METTL15: variants seen among roughly 807,000 people sequenced by gnomAD.
METTL15 encodes 12S rRNA N(4)-cytidine methyltransferase METTL15.
METTL15 carries 34 observed loss-of-function variants against 38.3 expected under a neutral mutation model. That is an observed-to-expected ratio of 0.89 (90% CI 0.68 to 1.18). The LOEUF is 1.18. Ranked by LOEUF, METTL15 falls within the 50% of genes most tolerant of loss-of-function variation. The probability of loss-of-function intolerance (pLI) is 0.00; values close to 1 mark genes in which losing one functional copy is unlikely to be tolerated. For synonymous variants in METTL15, 162 were observed against 170.9 expected (o/e 0.95, Z 0.41); for missense variants, 438 against 498.4 (o/e 0.88, Z 1.15).
At chr11:28,458,875 G>A (rs1851192193) in intron 6 of METTL15, among the ~76,000 whole-genome samples, 1 of 152,206 alleles carries the variant, frequency 6.6e-6, no homozygotes, top group Non-Finnish European at 1.5e-5. Flanking sequence ...TTGGTAGAAT[G>A]AAAGTTCAAC....
intron 6 of METTL15, among the ~76,000 whole-genome samples, chr11:28,494,490 T>C (rs1356425856): frequency 6.6e-6 from 1 of 152,150 alleles, no homozygotes; most frequent in Non-Finnish European, 1.5e-5. Flanking sequence ...AAGCCCTTAC[T>C]GTGTATCTTG....
At chr11:28,378,919 G>C (rs1850352404) in intron 5 of METTL15, among the ~76,000 whole-genome samples, 2 of 151,916 alleles carry the variant, frequency 1.3e-5, no homozygotes, top group Admixed American at 1.3e-4. Context: ...CGTTTGGTGA[G>C]GTTTCCTCTT....
intron 4 of METTL15, among the ~76,000 whole-genome samples, chr11:28,260,819 T>G (rs1330008249): frequency 6.6e-6 from 1 of 152,196 alleles, no homozygotes; most frequent in African/African-American, 2.4e-5. Context: ...GGCTCACTTC[T>G]TACCCAGGTA....
At chr11:28,485,205 T>A (rs1851428794) in intron 6 of METTL15, among the ~76,000 whole-genome samples, 1 of 151,266 alleles carries the variant, frequency 6.6e-6, no homozygotes, top group South Asian at 2.1e-4. Context: ...TGAAGGAAAG[T>A]AAGACTAACT....
chr11:28,264,442 C>T (rs1030970162), intron 4 of METTL15, among the ~76,000 whole-genome samples: 6 of 151,626 alleles, frequency 4.0e-5, no homozygotes, highest in African/African-American at 9.7e-5. Flanking sequence ...GAATGAGAAC[C>T]CTACCTTAAA....
chr11:28,494,712 G>C (rs566406735), intron 6 of METTL15, among the ~76,000 whole-genome samples: 3 of 152,270 alleles, frequency 2.0e-5, no homozygotes, highest in African/African-American at 7.2e-5. Flanking sequence ...ATGGTAATGA[G>C]TATGTCTCAT....
chr11:28,109,391 T>C (rs1851620728), intron 1 of METTL15, among the ~76,000 whole-genome samples: 1 of 152,220 alleles, frequency 6.6e-6, no homozygotes, highest in Admixed American at 6.5e-5. Flanking sequence ...TATAGTACTT[T>C]ACGTTTTGAC....
At chr11:28,220,505 C>A (rs1853151500) in intron 4 of METTL15, among the ~76,000 whole-genome samples, 2 of 152,118 alleles carry the variant, frequency 1.3e-5, no homozygotes, top group Admixed American at 1.3e-4. Flanking sequence ...TGAGTCTTGA[C>A]TCTTTATCCA....
intron 6 of METTL15, among the ~76,000 whole-genome samples, chr11:28,428,942 C>T (rs946444925): frequency 1.3e-5 from 2 of 152,188 alleles, no homozygotes; most frequent in East Asian, 3.9e-4. Flanking sequence ...TTCTCTGGTG[C>T]TGACCACCTA....
intron 6 of METTL15, among the ~76,000 whole-genome samples, chr11:28,439,023 CAA>C (rs10713896): frequency 0.011 from 1,697 of 149,676 alleles, 29 homozygotes; most frequent in African/African-American, 0.039. Context: ...GTGAAGAATG[CAA>C]AAAAAAAAAG....
intron 6 of METTL15, among the ~76,000 whole-genome samples, chr11:28,441,251 A>G (rs1457774483): frequency 6.6e-6 from 1 of 151,304 alleles, no homozygotes; most frequent in Non-Finnish European, 1.5e-5. Flanking sequence ...TAATTTTTGT[A>G]TTTTTTTAGT....
At chr11:28,364,686 T>A (rs1002059090) in intron 5 of METTL15, among the ~76,000 whole-genome samples, 1 of 152,218 alleles carries the variant, frequency 6.6e-6, no homozygotes, top group African/African-American at 2.4e-5. Flanking sequence ...TCTTGCCTGA[T>A]TCCCCTGACT....
chr11:28,491,125 A>C (rs1001645180), intron 6 of METTL15, among the ~76,000 whole-genome samples: 5 of 152,124 alleles, frequency 3.3e-5, no homozygotes, highest in African/African-American at 1.2e-4. Context: ...TAGGCAAGAC[A>C]GCTGAGACTT....
At chr11:28,184,269 C>T (rs1165660223) in intron 3 of METTL15, among the ~76,000 whole-genome samples, 1 of 151,966 alleles carries the variant, frequency 6.6e-6, no homozygotes, top group Non-Finnish European at 1.5e-5. Flanking sequence ...TTCAGTTCTG[C>T]TCTGATCTTA....
chr11:28,194,174 T>TTCTTTCTTTCTTTCTTTC lies in METTL15; in HGVS notation c.271-16887_271-16886insCTTTCTTTCTTTCTTTCT, dbSNP rs1191633285. Among the ~76,000 whole-genome samples, 7 of 54,322 alleles carry TTCTTTCTTTCTTTCTTTC rather than the reference T, an allele frequency of 1.3e-4. No homozygotes were observed. In the East Asian group the frequency reaches 3.0e-3, roughly 23 times the overall value. The allele number at this position is 54,322 out of a possible 152,430, so 35.6% of individuals were successfully genotyped here. A position where few individuals can be genotyped will look rare whatever the true frequency, so the allele number is the denominator to read the frequency against. ...TTTCTTTCTTTCTTTCTTTCTTTCT[T>TTCTTTCTTTCTTTCTTTC]TTTCTCTCTCTCTCTCTCCTCTCTC... On this transcript the variant is annotated intron_variant, in intron 3 of 6. Transcript: ENST00000407364.
At chr11:28,156,305 A>G (rs1002701696) in intron 3 of METTL15, among the ~76,000 whole-genome samples, 15 of 152,144 alleles carry the variant, frequency 9.9e-5, no homozygotes, top group African/African-American at 3.6e-4. Flanking sequence ...GACATTTTCT[A>G]TTTTTAAAAC....
At chr11:28,208,266 T>G (rs1346921573) in intron 3 of METTL15, among the ~76,000 whole-genome samples, 2 of 152,206 alleles carry the variant, frequency 1.3e-5, no homozygotes, top group African/African-American at 2.4e-5. Context: ...AATTTCCCTC[T>G]ATACTCTGCT....
intron 5 of METTL15, among the ~76,000 whole-genome samples, chr11:28,375,607 C>T (rs989168510): frequency 9.9e-4 from 150 of 152,020 alleles, no homozygotes; most frequent in African/African-American, 1.9e-3. Context: ...TTGATCCTTT[C>T]AAAAAACCAG....
intron 6 of METTL15, among the ~76,000 whole-genome samples, chr11:28,446,295 A>G (rs1399577347): frequency 6.6e-6 from 1 of 151,974 alleles, no homozygotes; most frequent in Non-Finnish European, 1.5e-5. Context: ...ACTCTTCTAG[A>G]TGTGCCAGTC....
Sources: allele counts gnomAD v4.1 joint callset (sites outside exome capture counted in the v4.1 genomes callset), GRCh38; gene constraint gnomAD v4.1.1; transcripts MANE v1.5; gene names NCBI Gene and HGNC (gene_info 2026-07-23, HGNC 2026-07-21).